ANAPC10: variants seen among roughly 807,000 people sequenced by gnomAD.
ANAPC10 encodes the protein anaphase-promoting complex subunit 10.
Under a neutral mutation model 22.0 loss-of-function variants are expected in ANAPC10, and 12 were observed. The ratio of observed to expected loss-of-function variants is 0.55; its 90% CI spans 0.35 to 0.88. The LOEUF is 0.88. ANAPC10 is among the 40% of genes least tolerant of loss of function. ANAPC10 has a pLI of 0.01. For missense variants in ANAPC10, 188 were observed against 220.9 expected (o/e 0.85, Z 0.94); for synonymous variants, 65 against 69.5 (o/e 0.94, Z 0.32).
In ANAPC10 at chr4:145,013,763, C is replaced by T. The variant is rs926479364; in HGVS notation, c.328-18160G>A. On this transcript the variant is annotated intron_variant, in intron 4 of 4. Transcript: ENST00000507656. ...GGAGACAGCCCAAATACTGAGTACCCAAACTGCAGAAGCAGAAAAGGAAGA... is the reference window on the plus strand; with the variant it reads ...GGAGACAGCCCAAATACTGAGTACCTAAACTGCAGAAGCAGAAAAGGAAGA... 5.9e-5 allele frequency among the ~76,000 whole-genome samples: 9 copies of T among 152,122 alleles called. No homozygotes were observed. In the South Asian group the frequency reaches 1.0e-3, roughly 18 times the overall value.
intron 3 of ANAPC10, among the ~76,000 whole-genome samples, chr4:145,069,450 G>A (rs1744174303): frequency 6.6e-6 from 1 of 152,182 alleles, no homozygotes; most frequent in Non-Finnish European, 1.5e-5. Context: ...CAAAGAACAA[G>A]CACTGGGGAA....
intron 4 of ANAPC10, among the ~76,000 whole-genome samples, chr4:145,041,688 A>C (rs1211433301): frequency 1.3e-5 from 2 of 152,232 alleles, no homozygotes; most frequent in Admixed American, 6.5e-5. Context: ...AACTAATAAG[A>C]AGCAAATTGA....
At chr4:145,047,803 T>C (rs927422872) in intron 4 of ANAPC10, among the ~76,000 whole-genome samples, 2 of 152,158 alleles carry the variant, frequency 1.3e-5, no homozygotes, top group Admixed American at 1.3e-4. Context: ...GACAGTAACT[T>C]TGACTCAACT....
intron 4 of ANAPC10, among the ~76,000 whole-genome samples, chr4:145,016,560 G>C (rs969911424): frequency 6.6e-6 from 1 of 152,196 alleles, no homozygotes; most frequent in African/African-American, 2.4e-5. Flanking sequence ...GTAATTTATA[G>C]ATTCAATGCC....
chr4:145,098,184 A>T lies in ANAPC10; in HGVS notation c.-77T>A, dbSNP rs1748903598. The T allele has an allele frequency of 6.5e-6, 1 of 152,710 alleles. No individual in the cohort carries two copies. Among genetic ancestry groups the T allele is most frequent in the East Asian group, 1.9e-4 (1 of 5,178 alleles). The allele number at this position is 152,710 out of a possible 1,614,324, so 9.5% of individuals were successfully genotyped here. On this transcript the variant is annotated 5_prime_UTR_variant, in exon 1 of 5. Transcript: ENST00000507656. ...GGCACCTCCAGCAGCTGGCTTCGCC[A>T]ACGGCGTTGAACAAGGGTCGCAGCT... is the stretch of plus-strand genomic sequence containing the variant.
chr4:145,009,636 T>A (rs535849649), intron 4 of ANAPC10, among the ~76,000 whole-genome samples: 60 of 152,268 alleles, frequency 3.9e-4, no homozygotes, highest in African/African-American at 1.3e-3. Flanking sequence ...AAGCTGAAAC[T>A]GGATCCCTTC....
intron 4 of ANAPC10, among the ~76,000 whole-genome samples, chr4:145,039,267 T>C (rs1396021487): frequency 2.0e-5 from 3 of 152,264 alleles, no homozygotes; most frequent in Non-Finnish European, 2.9e-5. Flanking sequence ...AGCTAAGCGA[T>C]TCTTACTGCA....
At chr4:145,068,283 C>G (rs1026807645) in intron 3 of ANAPC10, among the ~76,000 whole-genome samples, 3 of 152,110 alleles carry the variant, frequency 2.0e-5, no homozygotes, top group African/African-American at 7.2e-5. Flanking sequence ...AGGTTCACAT[C>G]AGGTTAAGCA....
intron 1 of ANAPC10, chr4:145,097,833 A>G (rs539503062): frequency 1.2e-5 from 4 of 332,926 alleles, no homozygotes; most frequent in African/African-American, 8.6e-5. Flanking sequence ...GGACGCCACC[A>G]AGTGGATAAA....
chr4:145,097,628 G>A (rs1748780315), intron 1 of ANAPC10: 3 of 798,832 alleles, frequency 3.8e-6, no homozygotes, highest in South Asian at 2.8e-5. Flanking sequence ...CGCTCAATAA[G>A]TAATTTACTG....
At chr4:145,089,198 A>G (rs28673203) in intron 2 of ANAPC10, among the ~76,000 whole-genome samples, 65,256 of 152,030 alleles carry the variant, frequency 0.43, 14,377 homozygotes, top group Middle Eastern at 0.5. Flanking sequence ...CTCAAAGGCC[A>G]TAATTGTCAG....
chr4:145,054,516 CA>C (rs1741643100), intron 4 of ANAPC10, among the ~76,000 whole-genome samples: 1 of 148,510 alleles, frequency 6.7e-6, no homozygotes, highest in African/African-American at 2.5e-5. Flanking sequence ...GAGATCGCGC[CA>C]CTGCACTCCA....
At chr4:145,080,012 C>T (rs1429296797) in intron 3 of ANAPC10, among the ~76,000 whole-genome samples, 3 of 150,332 alleles carry the variant, frequency 2.0e-5, no homozygotes, top group Non-Finnish European at 3.0e-5. Context: ...TACTCGGGAT[C>T]CTGAGGCAGG....
intron 4 of ANAPC10, among the ~76,000 whole-genome samples, chr4:145,037,783 C>CA (rs1441404847): frequency 2.0e-5 from 3 of 151,084 alleles, no homozygotes; most frequent in South Asian, 2.1e-4. Flanking sequence ...CCTGTCTCTA[C>CA]AAAAAACACA....
At chr4:145,021,580 T>C (rs1735964865) in intron 4 of ANAPC10, among the ~76,000 whole-genome samples, 1 of 152,006 alleles carries the variant, frequency 6.6e-6, no homozygotes, top group Non-Finnish European at 1.5e-5. Flanking sequence ...TTCTAGAAGA[T>C]TAACGTTGGA....
chr4:145,062,076 A>T (rs1217735187), intron 4 of ANAPC10, among the ~76,000 whole-genome samples: 1 of 151,916 alleles, frequency 6.6e-6, no homozygotes, highest in Non-Finnish European at 1.5e-5. Flanking sequence ...AAGAAAAAAA[A>T]AAAAGATTAT....
intron 4 of ANAPC10, among the ~76,000 whole-genome samples, chr4:144,998,968 C>G (rs1401028938): frequency 6.6e-6 from 1 of 152,010 alleles, no homozygotes; most frequent in Admixed American, 6.6e-5. Context: ...CAAACTACCA[C>G]CAGAGAATAC....
intron 4 of ANAPC10, among the ~76,000 whole-genome samples, chr4:145,055,125 A>G (rs531852814): frequency 6.6e-6 from 1 of 152,234 alleles, no homozygotes; most frequent in African/African-American, 2.4e-5. Flanking sequence ...GGATCTTAAG[A>G]TAAGTGTACA....
chr4:145,082,847 G>A (rs991791498), intron 2 of ANAPC10, among the ~76,000 whole-genome samples: 12 of 152,250 alleles, frequency 7.9e-5, no homozygotes, highest in African/African-American at 2.6e-4. Context: ...TTACATTTCA[G>A]TTTTACACTA....
Sources: allele counts gnomAD v4.1 joint callset (sites outside exome capture counted in the v4.1 genomes callset), GRCh38; gene constraint gnomAD v4.1.1; transcripts MANE v1.5; gene names NCBI Gene and HGNC (gene_info 2026-07-23, HGNC 2026-07-21).